PLCE1: variants seen among roughly 807,000 people sequenced by gnomAD.
The protein encoded by PLCE1 is phospholipase C epsilon 1.
A neutral mutation model predicts 242.8 loss-of-function variants in PLCE1; 119 were observed. That is an observed-to-expected ratio of 0.49 (90% CI 0.42 to 0.57). The LOEUF is 0.57. Among genes scored for constraint, PLCE1 ranks in the 20% least tolerant of loss-of-function variants. The pLI, the probability that PLCE1 is intolerant of heterozygous loss-of-function variation, is 0.00. For missense variants in PLCE1, 2,441 were observed against 2,788.8 expected, an observed-to-expected ratio of 0.88 and a Z score of 2.81; for synonymous variants, 945 against 1,017.4, an observed-to-expected ratio of 0.93 and a Z score of 1.35.
At position 94,304,466 on chromosome 10, in the gene PLCE1, G is replaced by T; in HGVS notation, c.5459-16G>T. On this transcript the variant is annotated splice_polypyrimidine_tract_variant and intron_variant, in intron 24 of 32. Coordinates refer to ENST00000371380, the MANE Select transcript of PLCE1 (RefSeq NM_016341.4). ...GTAACAAGCTATATTGGCTTTCTTT[G>T]TTGTTTGTTTTACAGATCTCCCTTT... is the stretch of plus-strand genomic sequence containing the variant. 1 of 1,613,008 alleles carries T rather than the reference G, an allele frequency of 6.2e-7. No homozygotes were observed. The highest frequency in any genetic ancestry group is 1.1e-5 in the South Asian group (1 of 91,060).
chr10:94,069,575 T>C (rs1431090694), intron 2 of PLCE1, among the ~76,000 whole-genome samples: 1 of 152,086 alleles, frequency 6.6e-6, no homozygotes, highest in Non-Finnish European at 1.5e-5. Context: ...AACACACCAC[T>C]GCACTCCAGC....
At chr10:94,163,228 A>C (rs903856247) in intron 3 of PLCE1, among the ~76,000 whole-genome samples, 8 of 152,224 alleles carry the variant, frequency 5.3e-5, no homozygotes, top group Admixed American at 1.3e-4. Context: ...CTTCTGTCTC[A>C]TCGATCTGTC....
At chr10:94,048,543 C>G (rs1281395304) in intron 2 of PLCE1, among the ~76,000 whole-genome samples, 1 of 151,320 alleles carries the variant, frequency 6.6e-6, no homozygotes, top group African/African-American at 2.4e-5. Context: ...TGATGTTTAC[C>G]ATATTTTTGT....
intron 24 of PLCE1, among the ~76,000 whole-genome samples, chr10:94,301,472 C>T (rs2133576226): frequency 6.6e-6 from 1 of 152,208 alleles, no homozygotes; most frequent in African/African-American, 2.4e-5. Flanking sequence ...GCTTGATTTT[C>T]CATGAAGCAT....
chr10:93,997,079 C>T (rs1276339187), intron 1 of PLCE1, among the ~76,000 whole-genome samples: 1 of 152,138 alleles, frequency 6.6e-6, no homozygotes, highest in Non-Finnish European at 1.5e-5. Context: ...GGCACCACTC[C>T]AAGAACTTTT....
At chr10:94,196,198 A>G (rs939956672) in intron 4 of PLCE1, among the ~76,000 whole-genome samples, 2 of 152,186 alleles carry the variant, frequency 1.3e-5, no homozygotes, top group Admixed American at 6.5e-5. Context: ...ACTAACCTAT[A>G]TACACTACCT....
chr10:94,067,928 G>T (rs968369392), intron 2 of PLCE1, among the ~76,000 whole-genome samples: 27 of 152,108 alleles, frequency 1.8e-4, no homozygotes, highest in Admixed American at 5.2e-4. Context: ...AGGGGAACAT[G>T]CAAACAGAAG....
At chr10:94,207,155 C>G (rs987076627) in intron 4 of PLCE1, among the ~76,000 whole-genome samples, 1 of 152,158 alleles carries the variant, frequency 6.6e-6, no homozygotes, top group Non-Finnish European at 1.5e-5. Context: ...AGCCCTGGCT[C>G]GTGTGGGGAG....
chr10:94,161,522 C>A lies in PLCE1; in HGVS notation c.1493-9658C>A, dbSNP rs150773249. 4.9e-3 allele frequency among the ~76,000 whole-genome samples: 739 copies of A among 152,288 alleles called. 30 individuals carry two copies. In the East Asian group the frequency reaches 0.1, roughly 21 times the overall value. Reference sequence around the variant, plus strand: ...GTTGATTTTGTATCCTGAGATTTTGCTGAAGTTGCTTATCAGCTTAAGGAG... The same window carrying A: ...GTTGATTTTGTATCCTGAGATTTTGATGAAGTTGCTTATCAGCTTAAGGAG... On this transcript the variant is annotated intron_variant, in intron 3 of 32. Coordinates refer to ENST00000371380, the MANE Select transcript of PLCE1 (RefSeq NM_016341.4).
At chr10:94,087,349 CAAAAA>C (rs57482986) in intron 2 of PLCE1, among the ~76,000 whole-genome samples, 2 of 67,508 alleles carry the variant, frequency 3.0e-5, no homozygotes, top group African/African-American at 1.2e-4. Flanking sequence ...GACCCTGTCT[CAAAAA>C]AAAAAAAAAA....
intron 2 of PLCE1, among the ~76,000 whole-genome samples, chr10:94,075,237 A>G (rs2044467847): frequency 6.6e-6 from 1 of 152,212 alleles, no homozygotes; most frequent in Non-Finnish European, 1.5e-5. Context: ...CCATGTCCCC[A>G]GCTAGACTGG....
At chr10:94,066,029 A>G (rs2044185945) in intron 2 of PLCE1, among the ~76,000 whole-genome samples, 1 of 152,172 alleles carries the variant, frequency 6.6e-6, no homozygotes, top group South Asian at 2.1e-4. Flanking sequence ...TGGCTAGCTG[A>G]GAGAGAGAAG....
intron 2 of PLCE1, among the ~76,000 whole-genome samples, chr10:94,052,821 A>G (rs1328618588): frequency 6.6e-6 from 1 of 152,188 alleles, no homozygotes; most frequent in Non-Finnish European, 1.5e-5. Context: ...TGAAGACTCA[A>G]AAAATATATA....
intron 3 of PLCE1, among the ~76,000 whole-genome samples, chr10:94,149,320 A>C (rs1186887174): frequency 6.6e-6 from 1 of 152,160 alleles, no homozygotes; most frequent in African/African-American, 2.4e-5. Flanking sequence ...TTGAGCCTTG[A>C]CTGATCTGAG....
intron 2 of PLCE1, among the ~76,000 whole-genome samples, chr10:94,079,160 G>T (rs556900164): frequency 1.3e-5 from 2 of 152,126 alleles, no homozygotes; most frequent in East Asian, 3.9e-4. Flanking sequence ...TCTCTCAAGG[G>T]GCTACACTTG....
Position 94,258,808 on chromosome 10 carries a change from G to C in PLCE1, c.3563G>C (p.Ser1188Thr). 6.2e-7 allele frequency: 1 copy of C among 1,614,104 alleles called. No homozygotes were observed. Among genetic ancestry groups the C allele is most frequent in the Non-Finnish European group, 8.5e-7 (1 of 1,179,972 alleles). ...CCTTGTCTTTGTTGCAGTGCTTGGA[G>C]CAGTAGTAGCTGGCACGGGCGGATC... Reference protein sequence around the residue: ...SSNKSPSSAWSSSSWHGRIKG... With the variant: ...SSNKSPSSAWTSSSWHGRIKG... The change falls in exon 12 of 33, where the codon AGC (serine) becomes ACC (threonine). Residue 1188 changes from serine (S) to threonine (T), a missense_variant. Ser to Thr is a moderately conservative substitution (Grantham distance 58). Coordinates refer to ENST00000371380, the MANE Select transcript of PLCE1 (RefSeq NM_016341.4).
At chr10:93,995,736 A>G (rs2060807405) in intron 1 of PLCE1, among the ~76,000 whole-genome samples, 1 of 152,240 alleles carries the variant, frequency 6.6e-6, no homozygotes, top group Non-Finnish European at 1.5e-5. Context: ...GCCATGTCTT[A>G]CCAGGTAAGA....
At chr10:94,171,114 A>G (rs2047959930) in intron 3 of PLCE1, 66 bp from the exon 4 acceptor site, 2 of 1,280,648 alleles carry the variant, frequency 1.6e-6, no homozygotes, top group East Asian at 2.3e-5. Flanking sequence ...AATGGCTCTC[A>G]AGTAAATATC....
intron 3 of PLCE1, among the ~76,000 whole-genome samples, chr10:94,163,032 A>C (rs1269154098): frequency 6.6e-6 from 1 of 152,148 alleles, no homozygotes; most frequent in East Asian, 1.9e-4. Context: ...AGTTTGTTAT[A>C]ATTTCTGTTC....
Sources: allele counts gnomAD v4.1 joint callset (sites outside exome capture counted in the v4.1 genomes callset), GRCh38; gene constraint gnomAD v4.1.1; transcripts MANE v1.5; gene names NCBI Gene and HGNC (gene_info 2026-07-23, HGNC 2026-07-21).